DENND5A: variants seen among roughly 807,000 people sequenced by gnomAD.
DENND5A encodes the protein DENN domain containing 5A.
A neutral mutation model predicts 140.3 loss-of-function variants in DENND5A; 64 were observed. The ratio of observed to expected loss-of-function variants is 0.46; its 90% CI spans 0.37 to 0.56. DENND5A has a LOEUF of 0.56. Ranked by LOEUF, DENND5A falls within the 20% of genes least tolerant of loss-of-function variation. The pLI, the probability that DENND5A is intolerant of heterozygous loss-of-function variation, is 0.00. For synonymous variants in DENND5A, 605 were observed against 607.7 expected (o/e 1.00, Z 0.07); for missense variants, 1,292 against 1,593.8 (o/e 0.81, Z 3.22).
intron 21 of DENND5A, 66 bp from the exon 22 acceptor site, chr11:9,142,174 C>T: frequency 7.2e-7 from 1 of 1,389,194 alleles, no homozygotes; most frequent in Non-Finnish European, 9.7e-7. Flanking sequence ...GTCCTACAGG[C>T]CACTTGCCAT....
chr11:9,203,799 G>C lies in DENND5A; in HGVS notation c.810C>G (p.Ile270Met). Residue 270 changes from isoleucine to methionine, a missense_variant, in exon 4 of 23, where the codon ATC becomes ATG. Around this residue, in one of 4 missense-constraint regions of DENND5A, gnomAD observed 566 missense variants for 650.4 expected, o/e 0.87. Transcript: ENST00000328194. ...LKFSGVYGPI[I>M]CQRPSTNELP... is the part of the protein sequence containing the mutation. Reference sequence around the variant, plus strand: ...GCTCATTGGTACTTGGTCTCTGGCAGATTATTGGCCCATAGACCCCAGAAA... The same window carrying C: ...GCTCATTGGTACTTGGTCTCTGGCACATTATTGGCCCATAGACCCCAGAAA... 1 of 1,614,212 alleles carries C rather than the reference G, an allele frequency of 6.2e-7. No homozygotes were observed. Among genetic ancestry groups the C allele is most frequent in the Non-Finnish European group, 8.5e-7 (1 of 1,180,028 alleles).
At chr11:9,177,430 T>A (rs1202767209) in intron 8 of DENND5A, among the ~76,000 whole-genome samples, 2 of 151,410 alleles carry the variant, frequency 1.3e-5, no homozygotes, top group African/African-American at 4.9e-5. Context: ...GACAGGAGGA[T>A]CACTTGAACG....
chr11:9,253,984 C>T (rs1441342532), intron 1 of DENND5A, among the ~76,000 whole-genome samples: 1 of 151,870 alleles, frequency 6.6e-6, no homozygotes, highest in Non-Finnish European at 1.5e-5. Flanking sequence ...ATGGAGAAAC[C>T]CCATCTCTAC....
chr11:9,201,377 TAA>T (rs35169343), intron 4 of DENND5A, among the ~76,000 whole-genome samples: 1 of 131,918 alleles, frequency 7.6e-6, no homozygotes, highest in Non-Finnish European at 1.7e-5. Context: ...TCTATTTCTT[TAA>T]AAAAAAAAAA....
chr11:9,163,387 A>G (rs1221914049), intron 11 of DENND5A, among the ~76,000 whole-genome samples: 3 of 152,180 alleles, frequency 2.0e-5, no homozygotes, highest in Non-Finnish European at 2.9e-5. Context: ...ATATTTCTTC[A>G]ATTCTAGATG....
intron 4 of DENND5A, among the ~76,000 whole-genome samples, chr11:9,195,610 T>G (rs1327003240): frequency 1.3e-5 from 2 of 152,142 alleles, no homozygotes; most frequent in Non-Finnish European, 1.5e-5. Flanking sequence ...ACAAAAAACT[T>G]TCTAGGAAAT....
intron 15 of DENND5A, among the ~76,000 whole-genome samples, chr11:9,148,277 T>C (rs1045893892): frequency 1.3e-5 from 2 of 151,796 alleles, no homozygotes; most frequent in Non-Finnish European, 2.9e-5. Flanking sequence ...GAGTTGAGGG[T>C]TCAGGGAAGT....
At chr11:9,142,965 G>A (rs1847297536) in intron 20 of DENND5A, 120 bp from the exon 21 acceptor site, 2 of 1,352,048 alleles carry the variant, frequency 1.5e-6, no homozygotes, top group Non-Finnish European at 2.0e-6. Context: ...CTAGGACTTT[G>A]TCTGTTTCCC....
At chr11:9,243,087 C>CAAAA (rs539119487) in intron 1 of DENND5A, among the ~76,000 whole-genome samples, 1,183 of 66,666 alleles carry the variant, frequency 0.018, 130 homozygotes, top group African/African-American at 0.027. Flanking sequence ...GACTCTGTCT[C>CAAAA]AAAAAAAAAA....
Position 9,148,409 on chromosome 11 carries a change from G to T in DENND5A, c.2736-1258C>A, listed in dbSNP as rs141622010. Among the ~76,000 whole-genome samples the T allele has an allele frequency of 2.0e-3, 303 of 152,032 alleles. 1 individual carries two copies. Among genetic ancestry groups the T allele is most frequent in the Non-Finnish European group, 3.3e-3 (225 of 67,998 alleles). On this transcript the variant is annotated intron_variant, in intron 15 of 22. Transcript: ENST00000328194. ...TTTTAAACTAAGGAGTTTGCAATCT[G>T]CCCAGTAAGTAAGGGGTTTCTGCAA...
chr11:9,254,395 T>C (rs1851860101), intron 1 of DENND5A, among the ~76,000 whole-genome samples: 1 of 152,196 alleles, frequency 6.6e-6, no homozygotes. Flanking sequence ...TGCCTTGGGC[T>C]ACTCTGTAAT....
intron 5 of DENND5A, among the ~76,000 whole-genome samples, chr11:9,184,375 T>A (rs1848836639): frequency 6.6e-6 from 1 of 152,136 alleles, no homozygotes; most frequent in East Asian, 1.9e-4. Context: ...AAAAAGACAT[T>A]TCAGTTGTTT....
At chr11:9,220,084 T>G (rs190535366) in intron 1 of DENND5A, among the ~76,000 whole-genome samples, 194 of 152,292 alleles carry the variant, frequency 1.3e-3, no homozygotes, top group Non-Finnish European at 2.4e-4. Flanking sequence ...TTGTGATTTA[T>G]GTCCCACCTA....
At chr11:9,207,362 A>G (rs1489281695) in intron 2 of DENND5A, among the ~76,000 whole-genome samples, 199 bp downstream of exon 2, 2 of 152,196 alleles carry the variant, frequency 1.3e-5, no homozygotes, top group Non-Finnish European at 2.9e-5. Context: ...ACACTAAAGT[A>G]TATTGAAATA....
At chr11:9,264,923 G>T (rs1852376609) in intron 1 of DENND5A, 38 bp downstream of exon 1, 2 of 1,489,022 alleles carry the variant, frequency 1.3e-6, no homozygotes, top group African/African-American at 2.9e-5. Context: ...CGACGACAGC[G>T]GGCGCGGGAA....
intron 1 of DENND5A, among the ~76,000 whole-genome samples, chr11:9,229,250 G>T (rs1258413369): frequency 6.6e-6 from 1 of 152,104 alleles, no homozygotes; most frequent in African/African-American, 2.4e-5. Context: ...ACTGCGCCTG[G>T]CCCAAATATG....
chr11:9,146,917 T>C (rs1847449549), intron 16 of DENND5A, 113 bp downstream of exon 16: 7 of 1,274,518 alleles, frequency 5.5e-6, no homozygotes, highest in Non-Finnish European at 7.7e-6. Flanking sequence ...AAAAGACAAA[T>C]AGAAAGTACA....
chr11:9,259,092 C>G (rs1315086392), intron 1 of DENND5A, among the ~76,000 whole-genome samples: 1 of 152,136 alleles, frequency 6.6e-6, no homozygotes, highest in Non-Finnish European at 1.5e-5. Context: ...GAAACCCCAT[C>G]TCTACTAAAA....
At chr11:9,141,592 G>A (rs762351560) in intron 22 of DENND5A, among the ~76,000 whole-genome samples, 1 of 152,166 alleles carries the variant, frequency 6.6e-6, no homozygotes, top group African/African-American at 2.4e-5. Context: ...GAATAAAAAT[G>A]AAGGAATACT....
Sources: allele counts gnomAD v4.1 joint callset (sites outside exome capture counted in the v4.1 genomes callset), GRCh38; gene constraint gnomAD v4.1.1; regional missense constraint gnomAD v4.1.1; transcripts MANE v1.5; gene names NCBI Gene and HGNC (gene_info 2026-07-23, HGNC 2026-07-21).